TSPEAR: variants seen among roughly 807,000 people sequenced by gnomAD.
The protein encoded by TSPEAR is thrombospondin-type laminin G domain and EAR repeat-containing protein.
A neutral mutation model predicts 71.6 loss-of-function variants in TSPEAR; 69 were observed. That is an observed-to-expected ratio of 0.96 (90% CI 0.79 to 1.18). The LOEUF (loss-of-function observed/expected upper bound fraction) is 1.18. Among genes scored for constraint, TSPEAR ranks in the 50% most tolerant of loss-of-function variants. The pLI is 0.00. For synonymous variants in TSPEAR, 402 were observed against 387.2 expected, an observed-to-expected ratio of 1.04 and a Z score of -0.45; for missense variants, 971 against 894.9, an observed-to-expected ratio of 1.09 and a Z score of -1.09.
intron 1 of TSPEAR, among the ~76,000 whole-genome samples, chr21:44,663,766 C>T (rs1406461466): frequency 2.6e-5 from 4 of 151,988 alleles, no homozygotes; most frequent in East Asian, 3.9e-4. Flanking sequence ...GATAAAAGGT[C>T]GTGATCATGT....
chr21:44,595,163 T>A (rs1337232993), intron 1 of TSPEAR, among the ~76,000 whole-genome samples: 6 of 152,148 alleles, frequency 3.9e-5, no homozygotes, highest in Non-Finnish European at 8.8e-5. Flanking sequence ...AGTCACCCAA[T>A]TCTCTTCTCA....
chr21:44,523,703 A>G (rs1210578531), intron 8 of TSPEAR, among the ~76,000 whole-genome samples: 5 of 150,518 alleles, frequency 3.3e-5, no homozygotes, highest in Non-Finnish European at 5.9e-5. Flanking sequence ...ATAGGCAGGT[A>G]GTTAGTCATC....
At chr21:44,641,654 T>A (rs1260865732) in intron 1 of TSPEAR, among the ~76,000 whole-genome samples, 2 of 152,160 alleles carry the variant, frequency 1.3e-5, no homozygotes, top group African/African-American at 4.8e-5. Flanking sequence ...ACACAGCTGA[T>A]GACAGTGACG....
Position 44,528,560 on chromosome 21 carries a change from C to T in TSPEAR, c.814G>A (p.Gly272Arg), listed in dbSNP as rs782142254. 1 of 1,614,070 alleles carries T rather than the reference C, an allele frequency of 6.2e-7. No homozygotes were observed. Among genetic ancestry groups the T allele is most frequent in the Non-Finnish European group, 8.5e-7 (1 of 1,179,998 alleles). Residue 272 changes from glycine (G) to arginine (R), a missense_variant, in exon 6 of 12, where the codon GGA (glycine) becomes AGA (arginine). By Grantham distance (125) the Gly-to-Arg change is moderately radical (BLOSUM62 -2). Transcript: ENST00000323084. Reference sequence around the variant, plus strand: ...ACCTCGGTACACGGTGGCTGGGGTCCCAGCGTCACTCGAATGTTGGTTTCT... The same window carrying T: ...ACCTCGGTACACGGTGGCTGGGGTCTCAGCGTCACTCGAATGTTGGTTTCT... The part of the protein sequence containing the change: ...PYETNIRVTL[G>R]PQPPCTEVED...
intron 1 of TSPEAR, among the ~76,000 whole-genome samples, chr21:44,634,914 T>C (rs1428898645): frequency 6.6e-6 from 1 of 152,182 alleles, no homozygotes; most frequent in Admixed American, 6.5e-5. Context: ...GAATATAAAA[T>C]GGTACAGATG....
intron 1 of TSPEAR, among the ~76,000 whole-genome samples, chr21:44,633,159 T>A (rs1983351780): frequency 1.3e-5 from 2 of 152,170 alleles, no homozygotes; most frequent in African/African-American, 4.8e-5. Context: ...TATTGTTGCT[T>A]TCAAAAAACT....
chr21:44,538,428 C>G (rs887165831), intron 2 of TSPEAR, among the ~76,000 whole-genome samples: 4 of 126,342 alleles, frequency 3.2e-5, no homozygotes, highest in Non-Finnish European at 4.9e-5. Flanking sequence ...TGCTGCCCCC[C>G]CCCCCCCCAA....
chr21:44,600,383 T>C (rs1242784733), intron 1 of TSPEAR, among the ~76,000 whole-genome samples: 5 of 151,342 alleles, frequency 3.3e-5, no homozygotes, highest in African/African-American at 1.2e-4. Context: ...AAATATAGAC[T>C]CAGGACTTTA....
chr21:44,594,595 T>C (rs945031427), intron 1 of TSPEAR, among the ~76,000 whole-genome samples: 2 of 152,184 alleles, frequency 1.3e-5, no homozygotes, highest in East Asian at 1.9e-4. Context: ...GTTACATGCA[T>C]GTTTGTTCAG....
chr21:44,592,300 C>T lies in TSPEAR; in HGVS notation c.83-24295G>A, dbSNP rs201732843. The T allele has an allele frequency of 6.7e-4, 1,032 of 1,538,704 alleles. 35 individuals are homozygous for T. The African/African-American group carries it at 0.012, about 18-fold the overall frequency. On this transcript the variant is annotated intron_variant, in intron 1 of 11. Transcript: ENST00000323084. Reference sequence around the variant, plus strand: ...CACTGGGCAGCAGGGGCTGGACACACGGCTCACTGGGGTGCAGACCAGGCT... The same window carrying T: ...CACTGGGCAGCAGGGGCTGGACACATGGCTCACTGGGGTGCAGACCAGGCT...
chr21:44,526,796 A>T (rs2052864854), intron 7 of TSPEAR, among the ~76,000 whole-genome samples: 1 of 152,148 alleles, frequency 6.6e-6, no homozygotes, highest in South Asian at 2.1e-4. Context: ...CAGACCCACC[A>T]CCTCGACCCT....
At chr21:44,614,578 C>A (rs1257775017) in intron 1 of TSPEAR, among the ~76,000 whole-genome samples, 2 of 152,246 alleles carry the variant, frequency 1.3e-5, no homozygotes, top group Non-Finnish European at 2.9e-5. Flanking sequence ...GGCTCCGGAA[C>A]GTTCCTACTG....
At chr21:44,513,273 CTCTGCTGAAGCCGGGGCCT>C (rs2145933078) in intron 9 of TSPEAR, among the ~76,000 whole-genome samples, 1 of 152,308 alleles carries the variant, frequency 6.6e-6, no homozygotes. Context: ...GAACCTGTCC[CTCTGCTGAAGCCGGGGCCT>C]TCTCACATTC....
At chr21:44,557,976 G>A in intron 2 of TSPEAR, 1 of 1,525,572 alleles carries the variant, frequency 6.6e-7, no homozygotes, top group Non-Finnish European at 8.9e-7. Context: ...GACTCAGACA[G>A]GGCTCAGGGC....
At chr21:44,684,142 G>A (rs1487073182) in intron 1 of TSPEAR, among the ~76,000 whole-genome samples, 9 of 152,174 alleles carry the variant, frequency 5.9e-5, no homozygotes, top group Admixed American at 5.9e-4. Context: ...AAACGCCCTG[G>A]CTTCTCATGA....
Position 44,504,037 on chromosome 21 carries a change from G to C in TSPEAR, c.1856+743C>G, listed in dbSNP as rs587682615. ...CGGTGAGCCCTCAGCAGGAAGCAAGGCTCTGGGAGGAAGTTGGCCTCGGTG... is the reference window on the plus strand; with the variant it reads ...CGGTGAGCCCTCAGCAGGAAGCAAGCCTCTGGGAGGAAGTTGGCCTCGGTG... On this transcript the variant is annotated intron_variant, in intron 11 of 11. Coordinates refer to ENST00000323084, the MANE Select transcript of TSPEAR (RefSeq NM_144991.3). 4.8e-4 allele frequency among the ~76,000 whole-genome samples: 71 copies of C among 147,438 alleles called. 2 individuals are homozygous for C. Among genetic ancestry groups the C allele is most frequent in the Middle Eastern group, 3.7e-3 (1 of 268 alleles).
chr21:44,658,758 C>A (rs1430634528), intron 1 of TSPEAR, among the ~76,000 whole-genome samples: 1 of 152,058 alleles, frequency 6.6e-6, no homozygotes, highest in Admixed American at 6.5e-5. Context: ...ACAGTGGAAA[C>A]CACCATGAGG....
chr21:44,544,044 C>G (rs1555917516), intron 2 of TSPEAR, among the ~76,000 whole-genome samples: 1 of 152,172 alleles, frequency 6.6e-6, no homozygotes, highest in South Asian at 2.1e-4. Flanking sequence ...CAGCAAAGCC[C>G]CACATTCTTT....
chr21:44,531,104 A>G lies in TSPEAR; in HGVS notation c.572T>C (p.Leu191Pro), dbSNP rs782127415. 3 of 1,613,816 alleles carry G rather than the reference A, an allele frequency of 1.9e-6. No individual in the cohort carries two copies. Among genetic ancestry groups the G allele is most frequent in the South Asian group, 2.2e-5 (2 of 91,070 alleles). ...GAAGAATCGAGCTCCTTTCACTGAC[A>G]GGGTGGCTGGGAAGGGCACATCGGC... The part of the protein sequence containing the change: ...IMADVPFPAT[L>P]SVKGARFFVG... The change falls in exon 4 of 12, where the codon CTG becomes CCG. Residue 191 changes from leucine (L) to proline (P), a missense_variant. Physicochemically the swap from Leu to Pro is moderately conservative, Grantham distance 98. Coordinates refer to ENST00000323084, the MANE Select transcript of TSPEAR (RefSeq NM_144991.3).
Sources: gnomAD v4.1 joint callset for allele counts (sites outside exome capture counted in the v4.1 genomes callset) on GRCh38, gnomAD v4.1.1 for gene constraint, MANE v1.5 for transcripts, NCBI Gene and HGNC (gene_info 2026-07-23, HGNC 2026-07-21) for gene names.